Variants in AGBL1 observed in about 807,000 individuals in gnomAD.
AGBL1 encodes AGBL carboxypeptidase 1, also known as cytosolic carboxypeptidase 4.
AGBL1 carries 130 observed loss-of-function variants against 118.9 expected under a neutral mutation model. That is an observed-to-expected ratio of 1.09 (90% CI 0.95 to 1.26). AGBL1 has a LOEUF of 1.26. Among genes scored for constraint, AGBL1 ranks in the 50% most tolerant of loss-of-function variants. The pLI, the probability that AGBL1 is intolerant of heterozygous loss-of-function variation, is 0.00. For synonymous variants in AGBL1, 555 were observed against 478.9 expected, an observed-to-expected ratio of 1.16 and a Z score of -2.08; for missense variants, 1,584 against 1,298.1, an observed-to-expected ratio of 1.22 and a Z score of -3.38.
At chr15:87,010,871 C>T (rs1296657931) in intron 24 of AGBL1, among the ~76,000 whole-genome samples, 2 of 152,172 alleles carry the variant, frequency 1.3e-5, no homozygotes, top group Non-Finnish European at 2.9e-5. Flanking sequence ...TCTATCTGTT[C>T]ATCTATCTAT....
At chr15:86,209,951 A>G (rs1597556842) in intron 5 of AGBL1, among the ~76,000 whole-genome samples, 1 of 152,264 alleles carries the variant, frequency 6.6e-6, no homozygotes, top group Middle Eastern at 3.4e-3. Flanking sequence ...AGTGGCTGGA[A>G]CTGATTGTTC....
intron 5 of AGBL1, among the ~76,000 whole-genome samples, chr15:86,183,302 G>T (rs1252321786): frequency 6.6e-6 from 1 of 152,126 alleles, no homozygotes; most frequent in Non-Finnish European, 1.5e-5. Context: ...TGACATATCA[G>T]TAAGTTTTTT....
At chr15:86,617,758 GCGCA>G (rs914974770) in intron 21 of AGBL1, among the ~76,000 whole-genome samples, 19 of 82,354 alleles carry the variant, frequency 2.3e-4, no homozygotes, top group South Asian at 4.6e-4. Context: ...TCAACTTTAT[GCGCA>G]CACACACACA....
At chr15:86,942,888 C>A (rs1229792805) in intron 23 of AGBL1, among the ~76,000 whole-genome samples, 2 of 152,204 alleles carry the variant, frequency 1.3e-5, no homozygotes, top group East Asian at 1.9e-4. Context: ...ATCTCAGTAA[C>A]AACTGCCTTT....
At chr15:86,383,275 A>AAAAAAT (rs544397935) in intron 17 of AGBL1, among the ~76,000 whole-genome samples, 5,937 of 118,672 alleles carry the variant, frequency 0.05, 508 homozygotes, top group Middle Eastern at 0.058. Flanking sequence ...AAAAAAAAAA[A>AAAAAAT]TCCTAATTGC....
chr15:86,143,224 A>C (rs1248303316), intron 2 of AGBL1, among the ~76,000 whole-genome samples: 2 of 152,254 alleles, frequency 1.3e-5, no homozygotes, highest in East Asian at 3.9e-4. Context: ...TCTTCCATCA[A>C]TTTCTGAAGG....
At chr15:86,272,759 G>A (rs1225909138) in intron 15 of AGBL1, among the ~76,000 whole-genome samples, 1 of 152,154 alleles carries the variant, frequency 6.6e-6, no homozygotes, top group Non-Finnish European at 1.5e-5. Context: ...AAAAGAGTTG[G>A]AGGTATTCAA....
intron 19 of AGBL1, among the ~76,000 whole-genome samples, chr15:86,542,934 G>C (rs1293918718): frequency 4.6e-5 from 7 of 152,000 alleles, no homozygotes; most frequent in Non-Finnish European, 4.4e-5. Flanking sequence ...ACTTCGTGTA[G>C]GCAGAATATA....
chr15:86,830,687 C>T (rs2079093029), intron 22 of AGBL1, among the ~76,000 whole-genome samples: 2 of 152,158 alleles, frequency 1.3e-5, no homozygotes, highest in Admixed American at 6.5e-5. Flanking sequence ...AAAGGCCAGC[C>T]ATTAATAGCA....
intron 1 of AGBL1, 89 bp from the exon 2 acceptor site, chr15:86,141,915 G>A: frequency 1.6e-6 from 2 of 1,289,390 alleles, no homozygotes; most frequent in East Asian, 2.6e-5. Context: ...ATGACAGGAA[G>A]TAGAGCTCTG....
chr15:86,676,866 G>T (rs1010499481), intron 22 of AGBL1, among the ~76,000 whole-genome samples: 2 of 152,152 alleles, frequency 1.3e-5, no homozygotes, highest in African/African-American at 4.8e-5. Flanking sequence ...ACTTTGGGAG[G>T]CTGAGGCGGG....
intron 22 of AGBL1, among the ~76,000 whole-genome samples, chr15:86,816,915 A>G (rs751013505): frequency 1.3e-5 from 2 of 152,164 alleles, no homozygotes; most frequent in Non-Finnish European, 2.9e-5. Context: ...GCATTATTAC[A>G]TTAATCTTAC....
chr15:86,119,417 C>G (rs1897955771), intron 1 of AGBL1, among the ~76,000 whole-genome samples: 1 of 151,946 alleles, frequency 6.6e-6, no homozygotes, highest in Non-Finnish European at 1.5e-5. Context: ...TCTCAACTAT[C>G]CCCACATCCT....
chr15:86,560,185 C>T (rs542566976), intron 21 of AGBL1, among the ~76,000 whole-genome samples: 5 of 151,738 alleles, frequency 3.3e-5, no homozygotes, highest in African/African-American at 7.3e-5. Context: ...TACATGTGCA[C>T]AACAGGCAGG....
chr15:86,594,921 CTCCACTT>C (rs553360722), intron 21 of AGBL1, among the ~76,000 whole-genome samples: 360 of 152,326 alleles, frequency 2.4e-3, no homozygotes, highest in Non-Finnish European at 3.3e-3. Context: ...CACTAATTGT[CTCCACTT>C]TGCTAAATGA....
chr15:86,484,508 A>G (rs2082690280), intron 18 of AGBL1, among the ~76,000 whole-genome samples: 1 of 152,116 alleles, frequency 6.6e-6, no homozygotes, highest in Admixed American at 6.6e-5. Flanking sequence ...GTGGTTTTTG[A>G]TTATGTGACT....
At chr15:86,983,915 G>C (rs558437850) in intron 23 of AGBL1, among the ~76,000 whole-genome samples, 1 of 152,066 alleles carries the variant, frequency 6.6e-6, no homozygotes, top group African/African-American at 2.4e-5. Flanking sequence ...TGTATGCAAC[G>C]GTTTGCATAC....
At chr15:86,689,492 A>G (rs1303106097) in intron 22 of AGBL1, among the ~76,000 whole-genome samples, 1 of 152,100 alleles carries the variant, frequency 6.6e-6, no homozygotes, top group Non-Finnish European at 1.5e-5. Context: ...TAAATGAACA[A>G]ATCTTTGTCA....
chr15:86,824,271 C>A (rs1341156337), intron 22 of AGBL1, among the ~76,000 whole-genome samples: 1 of 151,690 alleles, frequency 6.6e-6, no homozygotes, highest in Non-Finnish European at 1.5e-5. Context: ...TACACAAAAA[C>A]CAATCATTTT....
Sources: allele counts gnomAD v4.1 joint callset (sites outside exome capture counted in the v4.1 genomes callset), GRCh38; gene constraint gnomAD v4.1.1; transcripts MANE v1.5; gene names NCBI Gene and HGNC (gene_info 2026-07-23, HGNC 2026-07-21).